The following PTPRK variants were observed in gnomAD, a reference collection of about 807,000 sequenced individuals.
PTPRK encodes the protein receptor-type tyrosine-protein phosphatase kappa.
A neutral mutation model predicts 178.0 loss-of-function variants in PTPRK; 75 were observed. The ratio of observed to expected loss-of-function variants is 0.42; its 90% CI spans 0.35 to 0.51. The LOEUF (loss-of-function observed/expected upper bound fraction) is 0.51. Among genes scored for constraint, PTPRK ranks in the 20% least tolerant of loss-of-function variants. The pLI, the probability that PTPRK is intolerant of heterozygous loss-of-function variation, is 0.02. For missense variants in PTPRK, 1,441 were observed against 1,797.8 expected, an observed-to-expected ratio of 0.80 and a Z score of 3.59; for synonymous variants, 637 against 620.6, an observed-to-expected ratio of 1.03 and a Z score of -0.39.
At chr6:128,398,304 T>C (rs1840607108) in intron 1 of PTPRK, among the ~76,000 whole-genome samples, 1 of 152,176 alleles carries the variant, frequency 6.6e-6, no homozygotes, top group African/African-American at 2.4e-5. Flanking sequence ...CTTTCAATTT[T>C]CCATCACCAC....
At chr6:128,366,183 C>A (rs1243913884) in intron 2 of PTPRK, among the ~76,000 whole-genome samples, 2 of 152,078 alleles carry the variant, frequency 1.3e-5, no homozygotes, top group Admixed American at 6.6e-5. Context: ...GAGTACTATG[C>A]CACTCTAACT....
chr6:128,248,742 G>T (rs1381068255), intron 3 of PTPRK, among the ~76,000 whole-genome samples: 1 of 152,148 alleles, frequency 6.6e-6, no homozygotes, highest in Non-Finnish European at 1.5e-5. Flanking sequence ...CCAAGGTTAA[G>T]AATGCTTTAT....
chr6:128,509,169 T>C (rs1233866410), intron 1 of PTPRK, among the ~76,000 whole-genome samples: 1 of 152,066 alleles, frequency 6.6e-6, no homozygotes. Flanking sequence ...TGAAACAACA[T>C]GGTATAGTAT....
intron 1 of PTPRK, among the ~76,000 whole-genome samples, chr6:128,468,921 CAAAAAA>C (rs375371831): frequency 2.2e-5 from 2 of 90,600 alleles, no homozygotes; most frequent in African/African-American, 3.8e-5. Context: ...AACACCTTTT[CAAAAAA>C]AAAAAAAAAA....
chr6:128,253,978 A>T (rs1274260564), intron 3 of PTPRK, among the ~76,000 whole-genome samples: 1 of 152,206 alleles, frequency 6.6e-6, no homozygotes, highest in African/African-American at 2.4e-5. Flanking sequence ...GAGTTTTCAC[A>T]TCACAAATTC....
At chr6:127,975,262 G>A (rs939199868) in intron 27 of PTPRK, among the ~76,000 whole-genome samples, 6 of 152,172 alleles carry the variant, frequency 3.9e-5, no homozygotes, top group Non-Finnish European at 5.9e-5. Flanking sequence ...GTCTTCAGCA[G>A]TTCTGTTTTT....
chr6:128,281,877 G>A (rs189321348), intron 3 of PTPRK, among the ~76,000 whole-genome samples: 4 of 151,952 alleles, frequency 2.6e-5, no homozygotes, highest in East Asian at 3.9e-4. Flanking sequence ...CTATCTTTAC[G>A]TATTTAGCTG....
chr6:128,068,651 A>G (rs1231588448), intron 11 of PTPRK, among the ~76,000 whole-genome samples: 1 of 151,916 alleles, frequency 6.6e-6, no homozygotes, highest in African/African-American at 2.4e-5. Context: ...TGGTATATTA[A>G]CAATATTCTT....
intron 1 of PTPRK, among the ~76,000 whole-genome samples, chr6:128,430,358 G>A (rs1844676258): frequency 6.6e-6 from 1 of 152,200 alleles, no homozygotes; most frequent in African/African-American, 2.4e-5. Flanking sequence ...GAATTCTAAA[G>A]TAACTAATGA....
At chr6:128,104,987 A>T (rs1479403950) in intron 7 of PTPRK, among the ~76,000 whole-genome samples, 1 of 152,212 alleles carries the variant, frequency 6.6e-6, no homozygotes, top group African/African-American at 2.4e-5. Flanking sequence ...AAAACATTTT[A>T]TCTATCATGA....
At chr6:128,336,366 T>C (rs978054305) in intron 2 of PTPRK, among the ~76,000 whole-genome samples, 1 of 152,122 alleles carries the variant, frequency 6.6e-6, no homozygotes, top group African/African-American at 2.4e-5. Flanking sequence ...GGGTGTACTG[T>C]AGAAACTAAA....
At chr6:128,362,303 G>A (rs888836666) in intron 2 of PTPRK, among the ~76,000 whole-genome samples, 3 of 152,084 alleles carry the variant, frequency 2.0e-5, no homozygotes, top group African/African-American at 7.2e-5. Flanking sequence ...ACAGCACCAA[G>A]GGAATTGTAT....
At chr6:128,172,981 G>C (rs879905650) in intron 7 of PTPRK, among the ~76,000 whole-genome samples, 14 of 151,902 alleles carry the variant, frequency 9.2e-5, no homozygotes, top group African/African-American at 2.9e-4. Context: ...TGAGCACCAG[G>C]AACCACTAGG....
intron 6 of PTPRK, among the ~76,000 whole-genome samples, chr6:128,218,691 T>C (rs1467250295): frequency 1.3e-5 from 2 of 152,218 alleles, no homozygotes; most frequent in Admixed American, 1.3e-4. Context: ...TAGAGCATTA[T>C]AAAATAGATT....
At chr6:128,365,170 C>T (rs1018500030) in intron 2 of PTPRK, among the ~76,000 whole-genome samples, 2 of 152,004 alleles carry the variant, frequency 1.3e-5, no homozygotes, top group Non-Finnish European at 2.9e-5. Context: ...GCACAATATA[C>T]AACACAAAGT....
intron 7 of PTPRK, among the ~76,000 whole-genome samples, chr6:128,166,911 A>G (rs1799487409): frequency 6.6e-6 from 1 of 151,840 alleles, no homozygotes; most frequent in Non-Finnish European, 1.5e-5. Flanking sequence ...AACATTTTAT[A>G]TTCTATAAAA....
intron 3 of PTPRK, among the ~76,000 whole-genome samples, chr6:128,264,931 T>C (rs767530080): frequency 1.5e-4 from 23 of 152,154 alleles, no homozygotes; most frequent in Non-Finnish European, 3.4e-4. Context: ...CTGCCATCCA[T>C]GTAAGATGTG....
chr6:128,322,005 T>A, intron 3 of PTPRK, 34 bp downstream of exon 3: 1 of 1,613,264 alleles, frequency 6.2e-7, no homozygotes, highest in Non-Finnish European at 8.5e-7. Flanking sequence ...ACTGATGACA[T>A]CAAAACATAC....
At chr6:128,243,532 A>G (rs932290049) in intron 3 of PTPRK, among the ~76,000 whole-genome samples, 1 of 151,416 alleles carries the variant, frequency 6.6e-6, no homozygotes, top group African/African-American at 2.4e-5. Context: ...AAGAAAAGAA[A>G]AAGATTAGCT....
Sources: allele counts gnomAD v4.1 joint callset (sites outside exome capture counted in the v4.1 genomes callset), GRCh38; gene constraint gnomAD v4.1.1; transcripts MANE v1.5; gene names NCBI Gene and HGNC (gene_info 2026-07-23, HGNC 2026-07-21).